TBL1XR1: variants seen among roughly 807,000 people sequenced by gnomAD.
TBL1XR1 encodes TBL1X/Y related 1, also known as F-box-like/WD repeat-containing protein TBL1XR1.
TBL1XR1 carries 5 observed loss-of-function variants against 66.9 expected under a neutral mutation model. The observed-to-expected ratio is 0.07, with a 90% CI of 0.04 to 0.16. TBL1XR1 has a LOEUF of 0.16. Ranked by LOEUF, TBL1XR1 falls within the 10% of genes least tolerant of loss-of-function variation. The pLI, the probability that TBL1XR1 is intolerant of heterozygous loss-of-function variation, is 1.00. For synonymous variants in TBL1XR1, 210 were observed against 206.0 expected (o/e 1.02, Z -0.17); for missense variants, 238 against 623.2 (o/e 0.38, Z 6.58).
intron 1 of TBL1XR1, among the ~76,000 whole-genome samples, chr3:177,107,645 T>C (rs1320512880): frequency 6.6e-6 from 1 of 152,206 alleles, no homozygotes. Flanking sequence ...GTTATCTGCC[T>C]GACCCATTCA....
chr3:177,029,613 T>C (rs1487825680), intron 14 of TBL1XR1, among the ~76,000 whole-genome samples: 1 of 152,028 alleles, frequency 6.6e-6, no homozygotes, highest in East Asian at 1.9e-4. Context: ...ATAGTGAGAC[T>C]CTATCTCAAG....
chr3:177,117,829 G>C (rs565383283), intron 1 of TBL1XR1, among the ~76,000 whole-genome samples: 1 of 152,254 alleles, frequency 6.6e-6, no homozygotes, highest in South Asian at 2.1e-4. Context: ...CAAGGGCAAA[G>C]AAGCAGTATT....
intron 1 of TBL1XR1, among the ~76,000 whole-genome samples, chr3:177,182,673 A>AT (rs1560273713): frequency 6.6e-6 from 1 of 152,142 alleles, no homozygotes; most frequent in African/African-American, 2.4e-5. Context: ...GAGGCAACAA[A>AT]TAACTCTCAA....
chr3:177,034,510 T>TA, intron 12 of TBL1XR1, among the ~76,000 whole-genome samples, 185 bp from the exon 13 acceptor site: 2 of 139,688 alleles, frequency 1.4e-5, no homozygotes, highest in East Asian at 5.2e-4. Context: ...ACATCTCTGT[T>TA]TAAAAAAAAA....
At chr3:177,110,903 G>A (rs556704287) in intron 1 of TBL1XR1, 1 of 152,202 alleles carries the variant, frequency 6.6e-6, no homozygotes, top group South Asian at 2.1e-4. Context: ...AAACAAAGAG[G>A]AAAAAAATGT....
At chr3:177,080,455 T>C (rs1721256470) in intron 2 of TBL1XR1, among the ~76,000 whole-genome samples, 1 of 152,064 alleles carries the variant, frequency 6.6e-6, no homozygotes. Flanking sequence ...GAAAAATGAT[T>C]AGAGTAAATT....
chr3:177,096,975 GA>G (rs1470048420), intron 2 of TBL1XR1, among the ~76,000 whole-genome samples: 1 of 152,110 alleles, frequency 6.6e-6, no homozygotes, highest in Non-Finnish European at 1.5e-5. Flanking sequence ...GGATGCAGAG[GA>G]GGAGAACAGG....
chr3:177,112,107 A>ATATATATATATATATATATT, intron 1 of TBL1XR1, among the ~76,000 whole-genome samples: 3 of 37,650 alleles, frequency 8.0e-5, no homozygotes, highest in South Asian at 1.1e-3. Context: ...ATATATATAT[A>ATATATATATATATATATATT]TTTTTTTTTT....
At chr3:177,112,129 AG>A in intron 1 of TBL1XR1, among the ~76,000 whole-genome samples, 1 of 48,288 alleles carries the variant, frequency 2.1e-5, no homozygotes, top group East Asian at 9.6e-4. Context: ...TTTTTTTGTG[AG>A]GGGCTCTGAC....
intron 1 of TBL1XR1, among the ~76,000 whole-genome samples, chr3:177,105,027 C>T (rs563218850): frequency 3.3e-5 from 5 of 152,174 alleles, no homozygotes; most frequent in African/African-American, 9.7e-5. Context: ...TAGGCACTAA[C>T]GCCTATGCAT....
intron 1 of TBL1XR1, chr3:177,163,997 C>A (rs972677298): frequency 3.9e-5 from 6 of 152,196 alleles, no homozygotes; most frequent in Admixed American, 1.3e-4. Flanking sequence ...ATTCCCAATA[C>A]GTTCCTGAAA....
At chr3:177,060,224 G>GT (rs1311743722) in intron 3 of TBL1XR1, among the ~76,000 whole-genome samples, 10 of 151,898 alleles carry the variant, frequency 6.6e-5, no homozygotes, top group Admixed American at 1.3e-4. Context: ...TATTAGTTAC[G>GT]TCCCTCAAGA....
intron 2 of TBL1XR1, among the ~76,000 whole-genome samples, chr3:177,069,165 G>C (rs1719549493): frequency 6.6e-6 from 1 of 152,126 alleles, no homozygotes; most frequent in Non-Finnish European, 1.5e-5. Context: ...TCAAAGACGT[G>C]AGTCAGTATA....
chr3:177,112,801 G>T (rs1294637900), intron 1 of TBL1XR1, among the ~76,000 whole-genome samples: 1 of 151,966 alleles, frequency 6.6e-6, no homozygotes, highest in Non-Finnish European at 1.5e-5. Context: ...TCAGGAGTTC[G>T]AAACCAGCCT....
chr3:177,072,789 C>T (rs1418135166), intron 2 of TBL1XR1, among the ~76,000 whole-genome samples: 1 of 152,208 alleles, frequency 6.6e-6, no homozygotes, highest in Non-Finnish European at 1.5e-5. Context: ...AATGGCCAGG[C>T]GCAGTGGCTC....
chr3:177,176,206 T>C (rs1016899798), intron 1 of TBL1XR1, among the ~76,000 whole-genome samples: 1 of 152,062 alleles, frequency 6.6e-6, no homozygotes, highest in African/African-American at 2.4e-5. Flanking sequence ...TCTTGTTTTT[T>C]GTTTTTGAGA....
At chr3:177,179,652 C>G (rs1054586098) in intron 1 of TBL1XR1, among the ~76,000 whole-genome samples, 4 of 152,134 alleles carry the variant, frequency 2.6e-5, no homozygotes, top group Non-Finnish European at 5.9e-5. Context: ...GGCTTCAAAC[C>G]AAGACCTTTA....
At chr3:177,126,198 G>A (rs1727607761) in intron 1 of TBL1XR1, 1 of 152,194 alleles carries the variant, frequency 6.6e-6, no homozygotes. Flanking sequence ...AGCACAGGGT[G>A]CTGAATCCCA....
At chr3:177,057,543 T>C (rs1407887035) in intron 3 of TBL1XR1, among the ~76,000 whole-genome samples, 1 of 152,218 alleles carries the variant, frequency 6.6e-6, no homozygotes, top group Non-Finnish European at 1.5e-5. Flanking sequence ...AGAAAAAGCA[T>C]ATGACTTAAG....
Sources: allele counts gnomAD v4.1 joint callset (sites outside exome capture counted in the v4.1 genomes callset), GRCh38; gene constraint gnomAD v4.1.1; transcripts MANE v1.5; gene names NCBI Gene and HGNC (gene_info 2026-07-23, HGNC 2026-07-21).